The following LRRC28 variants were observed in gnomAD, a reference collection of about 807,000 sequenced individuals.
LRRC28 encodes the protein leucine rich repeat containing 28, also known as leucine-rich repeat-containing protein 28.
Under a neutral mutation model 45.7 loss-of-function variants are expected in LRRC28, and 39 were observed. That is an observed-to-expected ratio of 0.85 (90% CI 0.66 to 1.12). The LOEUF (loss-of-function observed/expected upper bound fraction) is 1.12, where lower values mean the gene tolerates loss of function less well. LRRC28 is among the 50% of genes most tolerant of loss of function. LRRC28 has a pLI of 0.00. For synonymous variants in LRRC28, 206 were observed against 178.8 expected (o/e 1.15, Z -1.22); for missense variants, 435 against 438.5 (o/e 0.99, Z 0.07).
rs1441016947 is a variant in LRRC28, at chr15:99,256,001, A to G, written c.44A>G (p.Glu15Gly). Residue 15 changes from glutamate (E) to glycine (G), a missense_variant, in exon 2 of 10, where the codon GAA becomes GGA. Glu to Gly is a moderately conservative substitution (Grantham distance 98). Transcript: ENST00000301981. ...AAGACGATCTCTGTGGCAAGGCTAGAAAAGCACAAGAATTTGTTCTTAAAT... is the reference window on the plus strand; with the variant it reads ...AAGACGATCTCTGTGGCAAGGCTAGGAAAGCACAAGAATTTGTTCTTAAAT... ...LCKTISVARL[E>G]KHKNLFLNYR... 2 of 1,613,240 alleles carry G rather than the reference A, an allele frequency of 1.2e-6. No individual in the cohort carries two copies.
At chr15:99,318,219 G>A (rs1022067900) in intron 5 of LRRC28, among the ~76,000 whole-genome samples, 8 of 152,058 alleles carry the variant, frequency 5.3e-5, no homozygotes, top group South Asian at 2.1e-4. Context: ...ATATATACAC[G>A]TTTATTAAAT....
In LRRC28 at chr15:99,284,625, ATCT is replaced by A; in HGVS notation, c.210-2628_210-2626del. On this transcript the variant is annotated intron_variant, in intron 3 of 9. Transcript: ENST00000301981. The stretch of plus-strand genomic sequence containing the variant: ...GCTTTGTTTCCTGGCAGTAATTAAA[ATCT>A]TCTGACACTGCCATAGCTGCTGCTG... 3 of 512,456 alleles carry A rather than the reference ATCT, an allele frequency of 5.9e-6. 1 individual carries two copies. The highest frequency in any genetic ancestry group is 4.2e-5 in the South Asian group (3 of 71,134). The allele number at this position is 512,456 out of a possible 1,614,324, so 31.7% of individuals were successfully genotyped here.
intron 9 of LRRC28, chr15:99,384,672 C>A (rs189436985): frequency 5.3e-5 from 8 of 152,248 alleles, no homozygotes; most frequent in Non-Finnish European, 1.2e-4. Flanking sequence ...AGTGCCACAG[C>A]CACTTGCTTT....
At chr15:99,342,238 G>A (rs567462640) in intron 6 of LRRC28, among the ~76,000 whole-genome samples, 1 of 152,270 alleles carries the variant, frequency 6.6e-6, no homozygotes, top group Admixed American at 6.5e-5. Flanking sequence ...ACTACACCTG[G>A]ATGCCTTGGG....
chr15:99,259,720 GGAAGAT>G (rs2081137978), intron 2 of LRRC28: 1 of 1,428,912 alleles, frequency 7.0e-7, no homozygotes, highest in East Asian at 2.3e-5. Flanking sequence ...GACGAATTAA[GGAAGAT>G]GAAGATGATA....
intron 9 of LRRC28, among the ~76,000 whole-genome samples, chr15:99,370,997 C>T (rs1323855410): frequency 6.6e-6 from 1 of 152,134 alleles, no homozygotes; most frequent in Non-Finnish European, 1.5e-5. Flanking sequence ...GTAATCCCAG[C>T]TACTGGGAGG....
At chr15:99,261,242 C>T (rs2081189774) in intron 2 of LRRC28, among the ~76,000 whole-genome samples, 1 of 152,148 alleles carries the variant, frequency 6.6e-6, no homozygotes, top group South Asian at 2.1e-4. Context: ...CGGTATATGC[C>T]CTTATGTCAA....
intron 5 of LRRC28, among the ~76,000 whole-genome samples, 165 bp downstream of exon 5, chr15:99,288,116 T>C (rs867980346): frequency 2.0e-5 from 3 of 152,348 alleles, no homozygotes; most frequent in East Asian, 1.9e-4. Flanking sequence ...AAGAGTCTTT[T>C]TTGTGATGCA....
chr15:99,371,599 A>G (rs1021776506), intron 9 of LRRC28, among the ~76,000 whole-genome samples: 4 of 152,078 alleles, frequency 2.6e-5, no homozygotes. Context: ...TTTTGTGGCT[A>G]TTGCTTCTTT....
intron 2 of LRRC28, among the ~76,000 whole-genome samples, chr15:99,263,003 T>C (rs765031485): frequency 1.3e-5 from 2 of 151,732 alleles, no homozygotes; most frequent in African/African-American, 4.8e-5. Context: ...ATATAACTGA[T>C]AGGTGAAAAA....
chr15:99,287,208 G>A (rs201592294), intron 3 of LRRC28, 49 bp from the exon 4 acceptor site: 2 of 1,472,464 alleles, frequency 1.4e-6, no homozygotes, highest in Admixed American at 2.2e-5. Flanking sequence ...TGATTATCTG[G>A]CAAAAGTACT....
chr15:99,285,183 C>G, intron 3 of LRRC28: 1 of 727,398 alleles, frequency 1.4e-6, no homozygotes, highest in Non-Finnish European at 2.5e-6. Context: ...TGATTTCAAT[C>G]ACTTCAATTT....
intron 5 of LRRC28, among the ~76,000 whole-genome samples, chr15:99,317,941 T>G (rs921216476): frequency 2.0e-5 from 3 of 152,190 alleles, no homozygotes; most frequent in Non-Finnish European, 4.4e-5. Context: ...AACAAAAGAT[T>G]GGTAGAACAC....
intron 7 of LRRC28, 87 bp from the exon 8 acceptor site, chr15:99,361,249 A>G: frequency 6.9e-7 from 1 of 1,448,896 alleles, no homozygotes; most frequent in Non-Finnish European, 9.3e-7. Context: ...TAAATTTTCA[A>G]ATGTATATTT....
chr15:99,296,560 T>A (rs1175754001), intron 5 of LRRC28, among the ~76,000 whole-genome samples: 1 of 152,212 alleles, frequency 6.6e-6, no homozygotes, highest in African/African-American at 2.4e-5. Context: ...ATCTAAAAAA[T>A]TAATCTCTGG....
chr15:99,372,999 A>G (rs1957525923), intron 9 of LRRC28, among the ~76,000 whole-genome samples: 1 of 150,510 alleles, frequency 6.6e-6, no homozygotes, highest in South Asian at 2.1e-4. Flanking sequence ...ACTATCACGC[A>G]AACAGGAGCA....
At chr15:99,280,468 T>C (rs572445091) in intron 3 of LRRC28, among the ~76,000 whole-genome samples, 1 of 151,990 alleles carries the variant, frequency 6.6e-6, no homozygotes, top group East Asian at 1.9e-4. Context: ...AAAATTTTTT[T>C]CTGGGATTAG....
In LRRC28 at chr15:99,266,687, A is replaced by G. The variant is rs567708585; in HGVS notation, c.169-9889A>G. 1.9e-4 allele frequency among the ~76,000 whole-genome samples: 29 copies of G among 152,358 alleles called. No homozygotes were observed. The South Asian group carries it at 6.0e-3, about 32-fold the overall frequency. The stretch of plus-strand genomic sequence containing the variant: ...AAAAGTCTGGTGAACAAGAGTGTTT[A>G]TCACAAAATTGAATATGATGAAAAA... On this transcript the variant is annotated intron_variant, in intron 2 of 9. Transcript: ENST00000301981.
At chr15:99,336,094 G>A (rs1194589571) in intron 6 of LRRC28, among the ~76,000 whole-genome samples, 1 of 152,136 alleles carries the variant, frequency 6.6e-6, no homozygotes, top group Non-Finnish European at 1.5e-5. Context: ...GTGTTTCCAT[G>A]TGCAATAATG....
Sources: gnomAD v4.1 joint callset for allele counts (sites outside exome capture counted in the v4.1 genomes callset) on GRCh38, gnomAD v4.1.1 for gene constraint, MANE v1.5 for transcripts, NCBI Gene and HGNC (gene_info 2026-07-23, HGNC 2026-07-21) for gene names.